The following ADGRV1 variants were observed in gnomAD, a reference collection of about 807,000 sequenced individuals.
ADGRV1 encodes the protein adhesion G protein-coupled receptor V1.
Under a neutral mutation model 596.2 loss-of-function variants are expected in ADGRV1, and 359 were observed. The observed-to-expected ratio is 0.60, with a 90% CI of 0.55 to 0.66. The LOEUF (loss-of-function observed/expected upper bound fraction) is 0.66. ADGRV1 is among the 30% of genes least tolerant of loss of function. The probability of loss-of-function intolerance (pLI) is 0.00; values close to 1 mark genes in which losing one functional copy is unlikely to be tolerated. For synonymous variants in ADGRV1, 2,681 were observed against 2,679.2 expected (o/e 1.00, Z -0.02); for missense variants, 7,274 against 7,575.6 (o/e 0.96, Z 1.48).
chr5:90,835,232 A>T (rs973841488), intron 77 of ADGRV1, among the ~76,000 whole-genome samples: 1 of 152,168 alleles, frequency 6.6e-6, no homozygotes, highest in South Asian at 2.1e-4. Context: ...ATTTTTGGTT[A>T]TTGCAGCCAT....
chr5:90,688,260 A>G (rs961923637), intron 29 of ADGRV1, among the ~76,000 whole-genome samples: 4 of 152,182 alleles, frequency 2.6e-5, no homozygotes, highest in African/African-American at 7.2e-5. Context: ...CAACTATCTG[A>G]TCTTTGACAA....
intron 83 of ADGRV1, among the ~76,000 whole-genome samples, chr5:90,905,998 T>C (rs766273531): frequency 2.0e-5 from 3 of 152,148 alleles, no homozygotes; most frequent in African/African-American, 2.4e-5. Context: ...CATTTGGTTT[T>C]AGTCCTCCAT....
intron 70 of ADGRV1, among the ~76,000 whole-genome samples, chr5:90,795,690 G>A (rs113262198): frequency 0.035 from 5,291 of 152,278 alleles, 136 homozygotes; most frequent in African/African-American, 0.071. Flanking sequence ...TGACCCCCGT[G>A]TATCCTGACT....
At chr5:90,801,006 A>G (rs1014026707) in intron 70 of ADGRV1, among the ~76,000 whole-genome samples, 2 of 152,086 alleles carry the variant, frequency 1.3e-5, no homozygotes, top group South Asian at 2.1e-4. Context: ...CCACCATGGC[A>G]TATGTATACC....
Position 90,694,063 on chromosome 5 carries a change from T to G in ADGRV1, c.7307T>G (p.Leu2436Arg), listed in dbSNP as rs762909195. The G allele has an allele frequency of 8.1e-6, 13 of 1,613,878 alleles. No individual in the cohort carries two copies. In the East Asian group the frequency reaches 2.7e-4, roughly 33 times the overall value. ...WMNVSAVGEP[L>R]YTCATLCLKE... Reference sequence around the variant, plus strand: ...AATGTCTCTGCCGTGGGGGAGCCCCTGTATACCTGTGCCACTTTGTGCCTT... The same window carrying G: ...AATGTCTCTGCCGTGGGGGAGCCCCGGTATACCTGTGCCACTTTGTGCCTT... Residue 2436 changes from leucine (L) to arginine (R), a missense_variant, in exon 33 of 90, where the codon CTG (leucine) becomes CGG (arginine). Coordinates refer to ENST00000405460, the MANE Select transcript of ADGRV1 (RefSeq NM_032119.4).
rs1484343337 is a variant in ADGRV1 at position 90,910,550 on chromosome 5, AT to A, written c.17856+46695del. Among the ~76,000 whole-genome samples the A allele has an allele frequency of 3.0e-4, 38 of 124,926 alleles. 1 individual carries two copies. Among genetic ancestry groups the A allele is most frequent in the East Asian group, 2.7e-3 (12 of 4,396 alleles). 82.0% of individuals were successfully genotyped at this position (124,926 alleles called of 152,430 possible). On this transcript the variant is annotated intron_variant, in intron 83 of 89. Transcript: ENST00000405460. ...TCTATGTTTAGTTTTATATATATAT[AT>A]TATCTATCTATCTATCTATCTATCT...
chr5:90,909,715 G>C (rs1009052885), intron 83 of ADGRV1, among the ~76,000 whole-genome samples: 5 of 151,988 alleles, frequency 3.3e-5, no homozygotes, highest in Admixed American at 2.0e-4. Context: ...TCGTTCTCTA[G>C]GCCAGTGACC....
chr5:90,896,498 AT>A (rs1197575559), intron 83 of ADGRV1, among the ~76,000 whole-genome samples: 1 of 151,798 alleles, frequency 6.6e-6, no homozygotes, highest in Non-Finnish European at 1.5e-5. Context: ...TGGTCTCGAA[AT>A]CCTGGGCTCA....
intron 1 of ADGRV1, among the ~76,000 whole-genome samples, chr5:90,572,142 T>G (rs995358660): frequency 2.0e-5 from 3 of 152,154 alleles, no homozygotes; most frequent in Non-Finnish European, 4.4e-5. Flanking sequence ...AATAGTCTTT[T>G]GAAGACTATT....
At chr5:90,663,495 G>C (rs1770748815) in intron 21 of ADGRV1, among the ~76,000 whole-genome samples, 2 of 151,014 alleles carry the variant, frequency 1.3e-5, no homozygotes, top group Admixed American at 1.3e-4. Context: ...TGAGTTCATT[G>C]TAGATTCTGG....
intron 89 of ADGRV1, among the ~76,000 whole-genome samples, chr5:91,155,048 A>G (rs1796366044): frequency 6.6e-6 from 1 of 152,200 alleles, no homozygotes; most frequent in Non-Finnish European, 1.5e-5. Context: ...TCAACCCTAT[A>G]CTCAGATTAG....
chr5:90,692,600 T>C lies in ADGRV1; in HGVS notation c.6952-5T>C. 1 of 1,602,152 alleles carries C rather than the reference T, an allele frequency of 6.2e-7. No homozygotes were observed. The highest frequency in any genetic ancestry group is 8.5e-7 in the Non-Finnish European group (1 of 1,174,848). ...CTGTTAAGGAAGTTTTCACTGTATT[T>C]TTAGGTTATCCAAGTGCAACTAACT... On this transcript the variant is annotated splice_polypyrimidine_tract_variant and splice_region_variant and intron_variant, in intron 31 of 89. Transcript: ENST00000405460.
At chr5:91,102,773 G>A (rs1220963154) in intron 87 of ADGRV1, among the ~76,000 whole-genome samples, 1 of 152,192 alleles carries the variant, frequency 6.6e-6, no homozygotes, top group South Asian at 2.1e-4. Context: ...AGTGAAATGA[G>A]AGTGTTTGGT....
intron 43 of ADGRV1, chr5:90,718,188 A>G (rs1419935069): frequency 6.6e-6 from 1 of 152,152 alleles, no homozygotes; most frequent in African/African-American, 2.4e-5. Context: ...TTCTGTCTCT[A>G]TGAATTTGCC....
chr5:90,918,852 A>AT (rs1773618222), intron 83 of ADGRV1, among the ~76,000 whole-genome samples: 1 of 152,176 alleles, frequency 6.6e-6, no homozygotes, highest in African/African-American at 2.4e-5. Flanking sequence ...CACCAGCCAT[A>AT]GGGGTCTTTC....
chr5:90,760,861 C>T (rs1756442773), intron 58 of ADGRV1, among the ~76,000 whole-genome samples: 2 of 152,188 alleles, frequency 1.3e-5, no homozygotes, highest in South Asian at 4.1e-4. Flanking sequence ...ATTATCACTA[C>T]ATCTTAAGTA....
intron 83 of ADGRV1, among the ~76,000 whole-genome samples, chr5:90,881,896 G>A (rs1769818612): frequency 6.6e-6 from 1 of 151,940 alleles, no homozygotes; most frequent in South Asian, 2.1e-4. Flanking sequence ...TTTTTGTGGA[G>A]ATATGTCTTG....
intron 87 of ADGRV1, among the ~76,000 whole-genome samples, chr5:91,122,786 T>C (rs184487190): frequency 6.6e-6 from 1 of 152,338 alleles, no homozygotes; most frequent in East Asian, 1.9e-4. Flanking sequence ...AATGTTTTTC[T>C]CTTTCTCTTG....
At chr5:91,113,326 C>T (rs1175551610) in intron 87 of ADGRV1, among the ~76,000 whole-genome samples, 2 of 152,248 alleles carry the variant, frequency 1.3e-5, no homozygotes, top group East Asian at 1.9e-4. Context: ...AAAAAGCAAA[C>T]ACTGTGCAGG....
Sources: allele counts gnomAD v4.1 joint callset (sites outside exome capture counted in the v4.1 genomes callset), GRCh38; gene constraint gnomAD v4.1.1; transcripts MANE v1.5; gene names NCBI Gene and HGNC (gene_info 2026-07-23, HGNC 2026-07-21).